The following KDM2A variants were observed in gnomAD, a reference collection of about 807,000 sequenced individuals.
KDM2A encodes the protein lysine demethylase 2A, also known as lysine-specific demethylase 2A.
Under a neutral mutation model 137.3 loss-of-function variants are expected in KDM2A, and 3 were observed. The observed-to-expected ratio is 0.02, with a 90% CI of 0.01 to 0.06. The LOEUF (loss-of-function observed/expected upper bound fraction) is 0.06. Among genes scored for constraint, KDM2A ranks in the 10% least tolerant of loss-of-function variants. KDM2A has a pLI of 1.00. For missense variants in KDM2A, 738 were observed against 1,510.6 expected, an observed-to-expected ratio of 0.49 and a Z score of 8.48; for synonymous variants, 512 against 541.5, an observed-to-expected ratio of 0.95 and a Z score of 0.76.
chr11:67,181,733 C>T, intron 4 of KDM2A, 113 bp from the exon 5 acceptor site: 2 of 794,386 alleles, frequency 2.5e-6, no homozygotes, highest in Non-Finnish European at 4.2e-6. Context: ...AATTTCAAAC[C>T]TGATTGTGAA....
intron 2 of KDM2A, among the ~76,000 whole-genome samples, chr11:67,123,190 A>G (rs1855638538): frequency 6.9e-6 from 1 of 145,164 alleles, no homozygotes. Flanking sequence ...TGCCCACCCT[A>G]GTCTTGAACT....
At position 67,254,863 on chromosome 11, in the gene KDM2A, T is replaced by C. The variant is rs773561725; in HGVS notation, c.3308-11T>C. On this transcript the variant is annotated splice_polypyrimidine_tract_variant and intron_variant, in intron 20 of 20. Coordinates refer to ENST00000529006, the MANE Select transcript of KDM2A (RefSeq NM_012308.3). This position sits in a 1 kb window ranked among gnomAD's most constrained non-coding sequence, Gnocchi z 4.7. ...ATGTGAGCACTGTCATTATGTCCACTTTCCCGACAGGTTGCAATAAATTGA... is the reference window on the plus strand; with the variant it reads ...ATGTGAGCACTGTCATTATGTCCACCTTCCCGACAGGTTGCAATAAATTGA... 1.2e-6 allele frequency: 2 copies of C among 1,613,016 alleles called. No homozygotes were observed. Among genetic ancestry groups the C allele is most frequent in the South Asian group, 1.1e-5 (1 of 91,046 alleles).
chr11:67,216,261 G>GTCCTTCTAAATTTATTA (rs1858157672), intron 8 of KDM2A, among the ~76,000 whole-genome samples: 1 of 152,132 alleles, frequency 6.6e-6, no homozygotes, highest in Admixed American at 6.6e-5. Context: ...GATAATTTCT[G>GTCCTTCTAAATTTATTA]TACTTGGAAG....
chr11:67,128,527 G>T (rs903874293), intron 2 of KDM2A, among the ~76,000 whole-genome samples: 1 of 151,986 alleles, frequency 6.6e-6, no homozygotes. Context: ...TCTCATTGTT[G>T]CGGCCTCCCT....
intron 2 of KDM2A, among the ~76,000 whole-genome samples, chr11:67,129,866 G>A (rs1330837191): frequency 4.0e-5 from 6 of 150,722 alleles, no homozygotes; most frequent in African/African-American, 7.3e-5. Flanking sequence ...CGCCGAGATC[G>A]TGCCACTGCA....
At chr11:67,149,605 T>G (rs1184049111) in intron 2 of KDM2A, among the ~76,000 whole-genome samples, 1 of 152,040 alleles carries the variant, frequency 6.6e-6, no homozygotes, top group African/African-American at 2.4e-5. Context: ...AATATATCCT[T>G]CCATGTCTTT....
At chr11:67,234,480 G>C (rs1350189474) in intron 12 of KDM2A, among the ~76,000 whole-genome samples, 1 of 152,216 alleles carries the variant, frequency 6.6e-6, no homozygotes, top group African/African-American at 2.4e-5. Flanking sequence ...TCAGTGCTGT[G>C]ATAAAAGGGC....
At chr11:67,178,938 G>A (rs980592977) in intron 2 of KDM2A, among the ~76,000 whole-genome samples, 5 of 152,128 alleles carry the variant, frequency 3.3e-5, no homozygotes, top group Non-Finnish European at 5.9e-5. Context: ...TTGTTAAGTC[G>A]TACGATAACT....
At chr11:67,182,607 A>G (rs1403473668) in intron 5 of KDM2A, among the ~76,000 whole-genome samples, 1 of 142,760 alleles carries the variant, frequency 7.0e-6, no homozygotes, top group African/African-American at 2.6e-5. Context: ...ATCTCGGCTC[A>G]CTGCAACCTC....
At chr11:67,120,935 C>G (rs1855585697) in intron 1 of KDM2A, among the ~76,000 whole-genome samples, 1 of 151,542 alleles carries the variant, frequency 6.6e-6, no homozygotes, top group Admixed American at 6.6e-5. Flanking sequence ...CTTGCTGATG[C>G]TGCCATGAAG....
chr11:67,128,909 A>G (rs80308020), intron 2 of KDM2A, among the ~76,000 whole-genome samples: 2,789 of 152,292 alleles, frequency 0.018, 84 homozygotes, highest in African/African-American at 0.063. Context: ...CTTGAATGCT[A>G]GGATTAAGCC....
chr11:67,254,568 C>T lies in KDM2A; in HGVS notation c.3307+150C>T, dbSNP rs1859541883. On this transcript the variant is annotated intron_variant, in intron 20 of 20. Transcript: ENST00000529006. The surrounding 1 kb of genome is among the most constrained non-coding windows in gnomAD (Gnocchi z 4.7). ...TCTGGACAAGGACATGGATTTCTAT[C>T]CCTTTTTTAACTGATGGGGGACTGA... The T allele has an allele frequency of 1.4e-6, 1 of 733,982 alleles. No individual in the cohort carries two copies. Among genetic ancestry groups the T allele is most frequent in the African/African-American group, 1.8e-5 (1 of 57,134 alleles). The allele number at this position is 733,982 out of a possible 1,614,324, so 45.5% of individuals were successfully genotyped here.
chr11:67,222,140 A>T (rs1389231124), intron 10 of KDM2A, among the ~76,000 whole-genome samples: 1 of 106,806 alleles, frequency 9.4e-6, no homozygotes, highest in Non-Finnish European at 1.8e-5. Context: ...TGGCAGGGTC[A>T]TGGGACAATA....
At chr11:67,167,027 G>A (rs1856763518) in intron 2 of KDM2A, among the ~76,000 whole-genome samples, 1 of 152,120 alleles carries the variant, frequency 6.6e-6, no homozygotes. Flanking sequence ...GCAGTGAATT[G>A]AGATCATACC....
At chr11:67,246,201 C>G in intron 15 of KDM2A, 85 bp downstream of exon 15, 2 of 1,453,940 alleles carry the variant, frequency 1.4e-6, no homozygotes, top group South Asian at 2.4e-5. Flanking sequence ...ATGGGAGTGC[C>G]AGCATCCCTA....
intron 2 of KDM2A, among the ~76,000 whole-genome samples, chr11:67,163,486 A>C (rs902368090): frequency 6.6e-6 from 1 of 152,218 alleles, no homozygotes; most frequent in African/African-American, 2.4e-5. Flanking sequence ...AGTATGACTT[A>C]TCTCTAGCCA....
intron 17 of KDM2A, 78 bp from the exon 18 acceptor site, chr11:67,252,616 C>G: frequency 6.7e-7 from 1 of 1,503,024 alleles, no homozygotes. Flanking sequence ...CTGCTTTTCC[C>G]AGAAGCCATA....
intron 10 of KDM2A, among the ~76,000 whole-genome samples, chr11:67,224,278 T>C (rs1858460219): frequency 6.6e-6 from 1 of 152,150 alleles, no homozygotes; most frequent in South Asian, 2.1e-4. Flanking sequence ...CAGTATCATT[T>C]GGCTTATCCT....
intron 6 of KDM2A, among the ~76,000 whole-genome samples, chr11:67,210,950 G>A (rs1278899227): frequency 6.6e-6 from 1 of 152,002 alleles, no homozygotes; most frequent in Non-Finnish European, 1.5e-5. Context: ...GAGACCACTC[G>A]GGAGGCTGAG....
Sources: allele counts gnomAD v4.1 joint callset (sites outside exome capture counted in the v4.1 genomes callset), GRCh38; gene constraint gnomAD v4.1.1; non-coding constraint Gnocchi (gnomAD v3.1); transcripts MANE v1.5; gene names NCBI Gene and HGNC (gene_info 2026-07-23, HGNC 2026-07-21).